Variants in APBB2 observed in about 807,000 individuals in gnomAD.
APBB2 encodes the protein Fe65-like 1.
In APBB2, 38 loss-of-function variants were observed where a neutral mutation model predicts 82.5. The ratio of observed to expected loss-of-function variants is 0.46; its 90% CI spans 0.36 to 0.60. The LOEUF (loss-of-function observed/expected upper bound fraction) is 0.60, where lower values mean the gene tolerates loss of function less well. Among genes scored for constraint, APBB2 ranks in the 20% least tolerant of loss-of-function variants. The pLI is 0.00. For missense variants in APBB2, 772 were observed against 972.3 expected, an observed-to-expected ratio of 0.79 and a Z score of 2.74; for synonymous variants, 341 against 368.2, an observed-to-expected ratio of 0.93 and a Z score of 0.85.
At chr4:41,124,799 A>G (rs1753916442) in intron 2 of APBB2, among the ~76,000 whole-genome samples, 1 of 152,114 alleles carries the variant, frequency 6.6e-6, no homozygotes, top group African/African-American at 2.4e-5. Flanking sequence ...CTATCCTTCC[A>G]CCCAGATTTT....
At position 40,810,899 on chromosome 4, in the gene APBB2, A is replaced by T. The variant is rs1042461564; in HGVS notation, c.*5193T>A. The T allele has an allele frequency of 1.3e-5, 2 of 152,220 alleles. No homozygotes were observed. The highest frequency in any genetic ancestry group is 4.8e-5 in the African/African-American group (2 of 41,452). 9.4% of individuals were successfully genotyped at this position (152,220 alleles called of 1,614,324 possible). On this transcript the variant is annotated 3_prime_UTR_variant, in exon 18 of 18. Transcript: ENST00000508593. ...TCAGTAAAGAATCCCATTGTGTATC[A>T]TAAGAATCCCTTATCCTTTTCGGGC... is the stretch of plus-strand genomic sequence containing the variant.
chr4:40,964,777 A>ACACACACACACACACACACAC (rs1560401538), intron 6 of APBB2, among the ~76,000 whole-genome samples: 1 of 4,446 alleles, frequency 2.2e-4, no homozygotes, highest in East Asian at 0.016. Flanking sequence ...CACACACACA[A>ACACACACACACACACACACAC]CAATGCACAT....
chr4:40,948,448 T>C (rs10938460), intron 6 of APBB2, among the ~76,000 whole-genome samples: 146,092 of 152,200 alleles, frequency 0.96, 70,324 homozygotes, highest in Non-Finnish European at 1. Flanking sequence ...GGCACGTGCC[T>C]GTAGTGACAG....
chr4:41,073,061 C>A (rs1579782597), intron 3 of APBB2, among the ~76,000 whole-genome samples: 1 of 152,222 alleles, frequency 6.6e-6, no homozygotes. Context: ...TAACCCCCTA[C>A]AACACACAGA....
At chr4:40,943,230 G>A (rs573249639) in intron 7 of APBB2, among the ~76,000 whole-genome samples, 29 of 152,316 alleles carry the variant, frequency 1.9e-4, no homozygotes, top group African/African-American at 6.7e-4. Flanking sequence ...CAACCTCAGT[G>A]TCCCTGTCTG....
Position 40,832,013 on chromosome 4 carries a change from TACAC to T in APBB2, c.1530-1440_1530-1437del, listed in dbSNP as rs1553930075. Among the ~76,000 whole-genome samples the T allele has an allele frequency of 8.2e-4, 114 of 138,978 alleles. 1 individual carries two copies. The East Asian group carries it at 0.012, about 15-fold the overall frequency. 91.2% of individuals were successfully genotyped at this position (138,978 alleles called of 152,430 possible). On this transcript the variant is annotated intron_variant, in intron 12 of 17. Transcript: ENST00000508593. The surrounding 1 kb of genome is among the most constrained non-coding windows in gnomAD (Gnocchi z 4.8). Reference sequence around the variant, plus strand: ...ACACATATTTATATATTTATTTATATACACACACACACACACACACACACACACA... The same window carrying T: ...ACACATATTTATATATTTATTTATATACACACACACACACACACACACACA...
intron 12 of APBB2, among the ~76,000 whole-genome samples, chr4:40,888,510 C>T (rs1349423686): frequency 1.3e-5 from 2 of 151,418 alleles, no homozygotes; most frequent in Non-Finnish European, 2.9e-5. Context: ...TTGGCTCCTG[C>T]CTCGCACAAG....
At chr4:40,823,811 C>T in intron 15 of APBB2, 52 bp from the exon 16 acceptor site, 3 of 1,175,372 alleles carry the variant, frequency 2.6e-6, no homozygotes, top group Non-Finnish European at 3.8e-6. Context: ...TTACCACACT[C>T]AAATGTGGGC....
intron 1 of APBB2, among the ~76,000 whole-genome samples, chr4:41,171,227 A>C (rs1388624154): frequency 6.6e-6 from 1 of 152,206 alleles, no homozygotes; most frequent in Non-Finnish European, 1.5e-5. Context: ...ATCACTTTAC[A>C]CATGTGCTGA....
At chr4:41,009,627 G>A (rs908328160) in intron 6 of APBB2, among the ~76,000 whole-genome samples, 6 of 152,098 alleles carry the variant, frequency 3.9e-5, no homozygotes, top group Non-Finnish European at 8.8e-5. Flanking sequence ...TGCAGTCTAC[G>A]ATCCAAAGAT....
chr4:41,182,856 A>C (rs1771803269), intron 1 of APBB2, among the ~76,000 whole-genome samples: 2 of 152,212 alleles, frequency 1.3e-5, no homozygotes, highest in African/African-American at 4.8e-5. Flanking sequence ...CACCCCCATG[A>C]TTCAATTACC....
At chr4:40,994,692 T>C (rs1167528928) in intron 6 of APBB2, among the ~76,000 whole-genome samples, 4 of 151,378 alleles carry the variant, frequency 2.6e-5, no homozygotes, top group Admixed American at 2.0e-4. Flanking sequence ...CACATGCCTA[T>C]AGTCCCAGCT....
At chr4:41,203,751 T>C (rs1777281024) in intron 1 of APBB2, among the ~76,000 whole-genome samples, 1 of 152,156 alleles carries the variant, frequency 6.6e-6, no homozygotes, top group Non-Finnish European at 1.5e-5. Flanking sequence ...CTGTGTGAAC[T>C]GTTTCCTGGG....
At chr4:41,096,621 T>C (rs1349613547) in intron 3 of APBB2, among the ~76,000 whole-genome samples, 3 of 152,238 alleles carry the variant, frequency 2.0e-5, no homozygotes, top group Non-Finnish European at 4.4e-5. Context: ...TTGTTTAACT[T>C]TCCTTTTTCC....
chr4:41,190,314 C>T (rs1166831697), intron 1 of APBB2, among the ~76,000 whole-genome samples: 4 of 144,474 alleles, frequency 2.8e-5, no homozygotes, highest in Non-Finnish European at 6.0e-5. Context: ...CGCAGTGCCG[C>T]GATCTCGGCT....
At chr4:40,876,474 C>G (rs1766936861) in intron 12 of APBB2, among the ~76,000 whole-genome samples, 1 of 152,094 alleles carries the variant, frequency 6.6e-6, no homozygotes, top group Admixed American at 6.5e-5. Flanking sequence ...TTTTTCTGGT[C>G]TGGCTTCTTT....
At chr4:40,901,775 A>G (rs1373711230) in intron 10 of APBB2, among the ~76,000 whole-genome samples, 1 of 152,106 alleles carries the variant, frequency 6.6e-6, no homozygotes, top group Non-Finnish European at 1.5e-5. Context: ...TCAGCCTCCC[A>G]AAGTGCTGGG....
At chr4:41,103,776 A>G (rs568763782) in intron 2 of APBB2, among the ~76,000 whole-genome samples, 1 of 152,312 alleles carries the variant, frequency 6.6e-6, no homozygotes, top group South Asian at 2.1e-4. Context: ...AATCCAGCCA[A>G]TAGAATGAAG....
intron 4 of APBB2, among the ~76,000 whole-genome samples, chr4:41,049,171 A>C (rs1724702197): frequency 7.1e-6 from 1 of 140,596 alleles, no homozygotes; most frequent in South Asian, 2.3e-4. Flanking sequence ...CCATCGTCTG[A>C]GATGTGGGGA....
Sources: allele counts gnomAD v4.1 joint callset (sites outside exome capture counted in the v4.1 genomes callset), GRCh38; gene constraint gnomAD v4.1.1; non-coding constraint Gnocchi (gnomAD v3.1); transcripts MANE v1.5; gene names NCBI Gene and HGNC (gene_info 2026-07-23, HGNC 2026-07-21).